Variants in ABR observed in about 807,000 individuals in gnomAD.
ABR encodes ABR activator of RhoGEF and GTPase.
Under a neutral mutation model 107.2 loss-of-function variants are expected in ABR, and 35 were observed. That is an observed-to-expected ratio of 0.33 (90% confidence interval 0.25 to 0.43). The LOEUF (loss-of-function observed/expected upper bound fraction) is 0.43, where lower values mean the gene tolerates loss of function less well. ABR is among the 20% of genes least tolerant of loss of function. The pLI, the probability that ABR is intolerant of heterozygous loss-of-function variation, is 1.00. For synonymous variants in ABR, 498 were observed against 462.0 expected (o/e 1.08, Z -1.00); for missense variants, 815 against 1,115.2 (o/e 0.73, Z 3.83).
chr17:1,208,695 T>C (rs113027928), intron 1 of ABR, among the ~76,000 whole-genome samples: 17 of 152,096 alleles, frequency 1.1e-4, no homozygotes, highest in African/African-American at 3.9e-4. Flanking sequence ...GAAACCATCC[T>C]GGCTAACACG....
At chr17:1,015,420 G>GAAA (rs534410630) in intron 16 of ABR, among the ~76,000 whole-genome samples, 40 of 131,624 alleles carry the variant, frequency 3.0e-4, no homozygotes, top group Admixed American at 1.6e-3. Context: ...CCTGTCTCAA[G>GAAA]AAAAAAAAAA....
intron 16 of ABR, among the ~76,000 whole-genome samples, chr17:1,014,867 A>C (rs1330262212): frequency 6.6e-6 from 1 of 151,992 alleles, no homozygotes; most frequent in Non-Finnish European, 1.5e-5. Flanking sequence ...CAACAACAAA[A>C]AACTACACAA....
chr17:1,049,600 C>A (rs2032214808), intron 16 of ABR, among the ~76,000 whole-genome samples: 1 of 152,170 alleles, frequency 6.6e-6, no homozygotes, highest in African/African-American at 2.4e-5. Flanking sequence ...CCCCCCAAGC[C>A]AACCAGCAGG....
chr17:1,100,957 G>A, intron 2 of ABR: 1 of 568,180 alleles, frequency 1.8e-6, no homozygotes, highest in Non-Finnish European at 3.2e-6. Flanking sequence ...CCGAGTAGCT[G>A]GGATTACAGG....
At position 1,084,232 on chromosome 17, in the gene ABR, C is replaced by A. The variant is rs927503520; in HGVS notation, c.532-605G>T. Among the ~76,000 whole-genome samples the A allele has an allele frequency of 6.6e-6, 1 of 152,226 alleles. No homozygotes were observed. Among genetic ancestry groups the A allele is most frequent in the East Asian group, 1.9e-4 (1 of 5,202 alleles). On this transcript the variant is annotated intron_variant, in intron 4 of 22. Transcript: ENST00000302538. This position sits in a 1 kb window ranked among gnomAD's most constrained non-coding sequence, Gnocchi z 4.2. ...TCTCTACTAAAAATACAAAAATTAG[C>A]TGGGCATGGTGGCGCGTGCCTGTAA...
Position 1,027,884 on chromosome 17 carries a change from T to A in ABR, c.1792-14720A>T, listed in dbSNP as rs2072342458. Among the ~76,000 whole-genome samples, 1 of 151,954 alleles carries A rather than the reference T, an allele frequency of 6.6e-6. No homozygotes were observed. Among genetic ancestry groups the A allele is most frequent in the African/African-American group, 2.4e-5 (1 of 41,356 alleles). On this transcript the variant is annotated intron_variant, in intron 16 of 22. Coordinates refer to ENST00000302538, the MANE Select transcript of ABR (RefSeq NM_021962.5). The surrounding 1 kb of genome is among the most constrained non-coding windows in gnomAD (Gnocchi z 4.7). ...ATCTTTCCTGACGCCCAGACTGGATTATAAAATAAAGTAGACGAGCCCAAG... is the reference window on the plus strand; with the variant it reads ...ATCTTTCCTGACGCCCAGACTGGATAATAAAATAAAGTAGACGAGCCCAAG...
At chr17:1,041,206 CCG>C (rs2030404280) in intron 16 of ABR, among the ~76,000 whole-genome samples, 1 of 152,108 alleles carries the variant, frequency 6.6e-6, no homozygotes, top group Admixed American at 6.5e-5. Flanking sequence ...GCATGAACCA[CCG>C]TGCCTGGCCT....
rs1000644641 is a variant in ABR at position 1,079,223 on chromosome 17, TCA to T, written c.700+105_700+106del. ...CACACACGCTCACGCTCACACGCGC[TCA>T]CACACACGCACACACAAGGGGAAGG... On this transcript the variant is annotated intron_variant, in intron 6 of 22. Coordinates refer to ENST00000302538, the MANE Select transcript of ABR (RefSeq NM_021962.5). 8 of 1,517,106 alleles carry T rather than the reference TCA, an allele frequency of 5.3e-6. No individual in the cohort carries two copies. In the African/African-American group the frequency reaches 5.5e-5, roughly 10 times the overall value. The allele number at this position is 1,517,106 out of a possible 1,614,324, so 94.0% of individuals were successfully genotyped here.
chr17:1,015,504 C>T lies in ABR; in HGVS notation c.1792-2340G>A, dbSNP rs182795503. The stretch of plus-strand genomic sequence containing the variant: ...AGAGTTTCGCTCTTATTGTCCAGGC[C>T]GGAGTGCAATGGTGCGATCTTGGCT... On this transcript the variant is annotated intron_variant, in intron 16 of 22. Coordinates refer to ENST00000302538, the MANE Select transcript of ABR (RefSeq NM_021962.5). 5.4e-3 allele frequency among the ~76,000 whole-genome samples: 810 copies of T among 151,098 alleles called. 8 individuals carry two copies. The highest frequency in any genetic ancestry group is 0.018 in the African/African-American group (758 of 41,226).
intron 4 of ABR, 79 bp from the exon 5 acceptor site, chr17:1,083,706 A>G: frequency 1.7e-6 from 2 of 1,179,964 alleles, no homozygotes. Flanking sequence ...AGCTTCACGG[A>G]GCACCGGGAG....
chr17:1,073,568 T>A (rs1436886256), intron 7 of ABR, 57 bp downstream of exon 7: 5 of 1,371,462 alleles, frequency 3.6e-6, no homozygotes, highest in Non-Finnish European at 4.9e-6. Flanking sequence ...TCACCCAGGC[T>A]CAGTCTTCCA....
chr17:1,125,397 G>A, intron 1 of ABR, 30 bp from the exon 2 acceptor site: 1 of 1,608,982 alleles, frequency 6.2e-7, no homozygotes, highest in Non-Finnish European at 8.5e-7. Flanking sequence ...AGGCCACTGA[G>A]AATCCTCCAC....
At position 1,064,975 on chromosome 17, in the gene ABR, CGTG is replaced by C. The variant is rs1567686122; in HGVS notation, c.1182+2099_1182+2101del. Among the ~76,000 whole-genome samples, 8 of 11,256 alleles carry C rather than the reference CGTG, an allele frequency of 7.1e-4. No homozygotes were observed. In the East Asian group the frequency reaches 0.012, roughly 17 times the overall value. The allele number at this position is 11,256 out of a possible 152,430, so 7.4% of individuals were successfully genotyped here. A position where few individuals can be genotyped will look rare whatever the true frequency, so the allele number is the denominator to read the frequency against. ...CATGTTCCTCTAGACACTGCTGTTA[CGTG>C]AACTGAGGGCTATGCATGTTCCTCT... On this transcript the variant is annotated intron_variant, in intron 10 of 22. Coordinates refer to ENST00000302538, the MANE Select transcript of ABR (RefSeq NM_021962.5).
chr17:1,066,490 C>T (rs752467308), intron 10 of ABR, among the ~76,000 whole-genome samples: 4 of 152,072 alleles, frequency 2.6e-5, no homozygotes, highest in Non-Finnish European at 5.9e-5. Context: ...CTTTTCCTTA[C>T]AAAAGCCTGC....
intron 10 of ABR, among the ~76,000 whole-genome samples, chr17:1,062,830 A>G (rs878921019): frequency 5.9e-5 from 8 of 135,142 alleles, no homozygotes; most frequent in African/African-American, 1.1e-4. Flanking sequence ...TCCTCTAGAC[A>G]CTGTTGTTAT....
chr17:1,201,454 GCTGA>G (rs915104778), intron 1 of ABR, among the ~76,000 whole-genome samples: 1 of 152,048 alleles, frequency 6.6e-6, no homozygotes, highest in Non-Finnish European at 1.5e-5. Context: ...CATCATGCTG[GCTGA>G]CTTTTATGTG....
Position 1,204,901 on chromosome 17 carries a change from CTTTT to C in ABR, c.838+23888_838+23891del, listed in dbSNP as rs869034249. 5.0e-4 allele frequency among the ~76,000 whole-genome samples: 16 copies of C among 32,140 alleles called. No individual in the cohort carries two copies. In the South Asian group the frequency reaches 6.3e-3, roughly 13 times the overall value. The allele number at this position is 32,140 out of a possible 152,430, so 21.1% of individuals were successfully genotyped here. On this transcript the variant is annotated intron_variant, in intron 1 of 22. Transcript: ENST00000574139. The stretch of plus-strand genomic sequence containing the variant: ...CTTTTTTTCTTTTCTTTTTCTTTTT[CTTTT>C]TTTTTTTTTTTTTTTTGAGACTGAG...
At chr17:1,072,393 C>A (rs947177164) in intron 8 of ABR, among the ~76,000 whole-genome samples, 29 of 146,968 alleles carry the variant, frequency 2.0e-4, no homozygotes, top group Non-Finnish European at 3.6e-4. Flanking sequence ...GAGGGACCTG[C>A]CGCCCGTGTG....
At chr17:1,205,352 G>C (rs919741897) in intron 1 of ABR, among the ~76,000 whole-genome samples, 1 of 152,088 alleles carries the variant, frequency 6.6e-6, no homozygotes, top group Admixed American at 6.6e-5. Flanking sequence ...GCACAAATGA[G>C]ATACAAATAC....
Sources: allele counts gnomAD v4.1 joint callset (sites outside exome capture counted in the v4.1 genomes callset), GRCh38; gene constraint gnomAD v4.1.1; non-coding constraint Gnocchi (gnomAD v3.1); transcripts MANE v1.5; gene names NCBI Gene and HGNC (gene_info 2026-07-23, HGNC 2026-07-21).